The following PATJ variants were observed in gnomAD, a reference collection of about 807,000 sequenced individuals.
The protein encoded by PATJ is inaD-like protein.
A neutral mutation model predicts 224.9 loss-of-function variants in PATJ; 190 were observed. That is an observed-to-expected ratio of 0.84 (90% confidence interval 0.75 to 0.95). PATJ has a LOEUF of 0.95. Ranked by LOEUF, PATJ falls within the 40% of genes least tolerant of loss-of-function variation. The pLI, the probability that PATJ is intolerant of heterozygous loss-of-function variation, is 0.00. For synonymous variants in PATJ, 769 were observed against 820.3 expected (o/e 0.94, Z 1.07); for missense variants, 2,121 against 2,270.3 (o/e 0.93, Z 1.34).
At chr1:62,103,526 G>C (rs1662490427) in intron 33 of PATJ, among the ~76,000 whole-genome samples, 1 of 152,198 alleles carries the variant, frequency 6.6e-6, no homozygotes, top group South Asian at 2.1e-4. Flanking sequence ...GCCAAGGCGG[G>C]TGGATCACTT....
At chr1:61,862,177 C>CATAT (rs35094571) in intron 19 of PATJ, among the ~76,000 whole-genome samples, 7 of 150,588 alleles carry the variant, frequency 4.6e-5, no homozygotes, top group Non-Finnish European at 7.4e-5. Context: ...TGTATATATA[C>CATAT]ATATATATAT....
At chr1:62,055,020 A>G (rs1654303310) in intron 31 of PATJ, among the ~76,000 whole-genome samples, 1 of 152,074 alleles carries the variant, frequency 6.6e-6, no homozygotes, top group Admixed American at 6.6e-5. Context: ...GCACCATTGC[A>G]CTCCAGCCTG....
intron 22 of PATJ, among the ~76,000 whole-genome samples, chr1:61,894,952 G>A (rs555815620): frequency 3.8e-5 from 3 of 79,358 alleles, no homozygotes; most frequent in African/African-American, 8.4e-5. Context: ...TGGAGATGAG[G>A]AATTTATTGG....
rs1162357624 is a variant in PATJ at position 62,079,481 on chromosome 1, C to G, written c.4157C>G (p.Pro1386Arg). 1.2e-6 allele frequency: 2 copies of G among 1,613,424 alleles called. No homozygotes were observed. The highest frequency in any genetic ancestry group is 2.7e-5 in the African/African-American group (2 of 74,868). The change falls in exon 32 of 44, where the codon CCA (proline) becomes CGA (arginine). Residue 1386 changes from proline (P) to arginine (R), a missense_variant. By Grantham distance (103) the Pro-to-Arg change is moderately radical (BLOSUM62 -2). Transcript: ENST00000642238. Reference sequence around the variant, plus strand: ...AGCCAGATGAAACAGCAAAAATATCCAACAAAAGTCTCCTTCAGTTCACAA... The same window carrying G: ...AGCCAGATGAAACAGCAAAAATATCGAACAAAAGTCTCCTTCAGTTCACAA... ...AVSQMKQQKYPTKVSFSSQEI... is the reference protein window; with the variant it reads ...AVSQMKQQKYRTKVSFSSQEI...
intron 32 of PATJ, among the ~76,000 whole-genome samples, chr1:62,084,083 G>A (rs529893182): frequency 6.6e-5 from 10 of 152,120 alleles, no homozygotes; most frequent in South Asian, 2.1e-4. Flanking sequence ...GCAAAACCTC[G>A]TCTCTACTAA....
intron 43 of PATJ, among the ~76,000 whole-genome samples, chr1:62,156,273 A>G (rs1000272494): frequency 6.6e-6 from 1 of 151,730 alleles, no homozygotes; most frequent in Admixed American, 6.6e-5. Context: ...TCACGCCTGT[A>G]ATCCCTAGCA....
intron 28 of PATJ, among the ~76,000 whole-genome samples, chr1:62,004,454 A>G (rs1039125371): frequency 2.6e-5 from 4 of 152,220 alleles, no homozygotes; most frequent in East Asian, 1.9e-4. Flanking sequence ...CTGATTTCAT[A>G]GGACTAAAAA....
intron 27 of PATJ, among the ~76,000 whole-genome samples, chr1:61,954,755 G>GTTTT (rs1553219493): frequency 1.3e-5 from 1 of 74,290 alleles, no homozygotes; most frequent in Non-Finnish European, 3.3e-5. Flanking sequence ...AAACTCTATT[G>GTTTT]TTTTTTTTTT....
intron 7 of PATJ, among the ~76,000 whole-genome samples, chr1:61,783,896 A>G (rs1647943233): frequency 6.6e-6 from 1 of 151,960 alleles, no homozygotes; most frequent in African/African-American, 2.4e-5. Context: ...GGCGCTCACC[A>G]CCATGCCCAG....
intron 21 of PATJ, among the ~76,000 whole-genome samples, chr1:61,882,747 G>T (rs1324842205): frequency 6.6e-6 from 1 of 152,074 alleles, no homozygotes; most frequent in Non-Finnish European, 1.5e-5. Flanking sequence ...CACCAAGCCT[G>T]GCTAATGGAG....
At chr1:61,945,924 G>T (rs190181049) in intron 27 of PATJ, among the ~76,000 whole-genome samples, 2 of 152,090 alleles carry the variant, frequency 1.3e-5, no homozygotes. Flanking sequence ...ACTCAAAACC[G>T]CTCAACTGCA....
intron 41 of PATJ, among the ~76,000 whole-genome samples, chr1:62,133,647 G>T (rs1666498014): frequency 6.6e-6 from 1 of 151,974 alleles, no homozygotes; most frequent in Admixed American, 6.6e-5. Context: ...GATTTGAGTA[G>T]AATGGTGCTT....
At chr1:62,152,665 A>G (rs537047907) in intron 42 of PATJ, among the ~76,000 whole-genome samples, 1 of 151,860 alleles carries the variant, frequency 6.6e-6, no homozygotes, top group African/African-American at 2.4e-5. Flanking sequence ...GAAAAAAAAA[A>G]GGTAAAAGAA....
In PATJ at chr1:61,902,062, A is replaced by T. The variant is rs560754036; in HGVS notation, c.3381+603A>T. On this transcript the variant is annotated intron_variant, in intron 24 of 43. Transcript: ENST00000642238. ...ATATGGTGAAACCCCATCTACTAAA[A>T]ATGCAAAAATCAGCCGGGCGTAGTG... Among the ~76,000 whole-genome samples the T allele has an allele frequency of 2.6e-5, 4 of 152,166 alleles. 1 individual carries two copies. In the South Asian group the frequency reaches 8.3e-4, roughly 32 times the overall value.
intron 28 of PATJ, among the ~76,000 whole-genome samples, chr1:62,002,042 G>T (rs903808979): frequency 5.9e-5 from 9 of 152,124 alleles, no homozygotes; most frequent in Non-Finnish European, 1.0e-4. Context: ...TTTAGTGGTG[G>T]CAGGGAAGCT....
intron 29 of PATJ, among the ~76,000 whole-genome samples, chr1:62,036,868 T>C (rs534960744): frequency 0.012 from 2 of 162 alleles, no homozygotes; most frequent in African/African-American, 0.023. Flanking sequence ...TGAGACTCCA[T>C]CTCAAAAAAA....
intron 30 of PATJ, among the ~76,000 whole-genome samples, chr1:62,048,330 G>A (rs1652917590): frequency 6.6e-6 from 1 of 152,050 alleles, no homozygotes; most frequent in Non-Finnish European, 1.5e-5. Flanking sequence ...TGGATCACTT[G>A]AGGTCAGGAA....
intron 4 of PATJ, 31 bp downstream of exon 4, chr1:61,766,504 A>T: frequency 2.7e-6 from 4 of 1,461,218 alleles, no homozygotes; most frequent in Non-Finnish European, 3.7e-6. Context: ...GGAAATATTT[A>T]GCTTCATTTC....
chr1:61,921,817 G>C (rs1214133524), intron 26 of PATJ, among the ~76,000 whole-genome samples: 1 of 152,118 alleles, frequency 6.6e-6, no homozygotes. Context: ...ATTTAAAAAA[G>C]ACATGAACAG....
Sources: gnomAD v4.1 joint callset for allele counts (sites outside exome capture counted in the v4.1 genomes callset) on GRCh38, gnomAD v4.1.1 for gene constraint, MANE v1.5 for transcripts, NCBI Gene and HGNC (gene_info 2026-07-23, HGNC 2026-07-21) for gene names.